LNX1: variants seen among roughly 807,000 people sequenced by gnomAD.
LNX1 encodes ligand of numb-protein X 1.
LNX1 carries 54 observed loss-of-function variants against 68.4 expected under a neutral mutation model. The observed-to-expected ratio is 0.79, with a 90% CI of 0.63 to 0.99. LNX1 has a LOEUF of 0.99. Ranked by LOEUF, LNX1 falls within the 50% of genes least tolerant of loss-of-function variation. The probability of loss-of-function intolerance (pLI) is 0.00; values close to 1 mark genes in which losing one functional copy is unlikely to be tolerated. For synonymous variants in LNX1, 336 were observed against 350.0 expected (o/e 0.96, Z 0.45); for missense variants, 906 against 926.4 (o/e 0.98, Z 0.29).
intron 1 of LNX1, among the ~76,000 whole-genome samples, chr4:53,639,902 G>A (rs1399043834): frequency 1.3e-4 from 20 of 152,138 alleles, no homozygotes; most frequent in Admixed American, 4.6e-4. Flanking sequence ...GCATGTTGGC[G>A]CATGCCTATA....
chr4:53,522,166 AC>A (rs1199671271), intron 2 of LNX1, among the ~76,000 whole-genome samples: 1 of 152,062 alleles, frequency 6.6e-6, no homozygotes, highest in Admixed American at 6.6e-5. Flanking sequence ...AGACACATTG[AC>A]AAACTGTCCC....
At chr4:53,516,907 G>A (rs4864779) in intron 2 of LNX1, among the ~76,000 whole-genome samples, 13,294 of 151,786 alleles carry the variant, frequency 0.088, 575 homozygotes, top group Middle Eastern at 0.11. Context: ...CAGAGGGCTC[G>A]CAGTCAGCTC....
chr4:53,583,002 C>A lies in LNX1; in HGVS notation c.-87+8386G>T, dbSNP rs147435252. On this transcript the variant is annotated intron_variant, in intron 1 of 10. Transcript: ENST00000263925. ...TACTGCCCTGGCCCTAGCTGTAACT[C>A]CTAAATCAGGTTACTGGGGGGAAAA... Among the ~76,000 whole-genome samples the A allele has an allele frequency of 7.7e-3, 1,177 of 152,308 alleles. 17 individuals are homozygous for A. Among genetic ancestry groups the A allele is most frequent in the Admixed American group, 0.043 (665 of 15,302 alleles).
intron 2 of LNX1, among the ~76,000 whole-genome samples, chr4:53,537,314 G>T (rs1728444459): frequency 6.6e-6 from 1 of 152,190 alleles, no homozygotes; most frequent in Admixed American, 6.5e-5. Flanking sequence ...GAAGTCCTAT[G>T]TGTGCAATAG....
intron 9 of LNX1, among the ~76,000 whole-genome samples, chr4:53,469,731 G>C (rs963143295): frequency 1.3e-5 from 2 of 152,180 alleles, no homozygotes; most frequent in African/African-American, 4.8e-5. Flanking sequence ...AAATAAACTA[G>C]AAAATCTAGA....
intron 2 of LNX1, among the ~76,000 whole-genome samples, chr4:53,516,547 C>G (rs1246425607): frequency 6.6e-6 from 1 of 152,054 alleles, no homozygotes; most frequent in East Asian, 1.9e-4. Flanking sequence ...TGAGCTGAGT[C>G]TAGAAAAATG....
intron 1 of LNX1, among the ~76,000 whole-genome samples, chr4:53,631,051 A>G (rs372157659): frequency 7.9e-5 from 12 of 152,334 alleles, no homozygotes; most frequent in Admixed American, 4.6e-4. Flanking sequence ...TCCTGGGCCA[A>G]AAGTACAGTT....
intron 1 of LNX1, among the ~76,000 whole-genome samples, chr4:53,581,438 C>T (rs1314594893): frequency 6.6e-6 from 1 of 152,134 alleles, no homozygotes. Context: ...CCTCTTTGCT[C>T]ACTGTATTAG....
intron 9 of LNX1, among the ~76,000 whole-genome samples, chr4:53,463,411 T>C (rs544074097): frequency 2.0e-5 from 3 of 152,246 alleles, no homozygotes; most frequent in African/African-American, 7.2e-5. Context: ...TTTAACTTTA[T>C]TGCCGCAGCG....
At chr4:53,540,184 C>T (rs1358624020) in intron 2 of LNX1, among the ~76,000 whole-genome samples, 1 of 151,990 alleles carries the variant, frequency 6.6e-6, no homozygotes, top group East Asian at 1.9e-4. Context: ...GAGTTTGAGA[C>T]CAGTCTAGAC....
intron 2 of LNX1, among the ~76,000 whole-genome samples, chr4:53,533,517 G>C (rs1281653675): frequency 1.3e-5 from 2 of 152,158 alleles, no homozygotes; most frequent in Admixed American, 1.3e-4. Context: ...TCCTTCCTCA[G>C]CCTCCTGAGT....
upstream of LNX1, among the ~76,000 whole-genome samples, chr4:53,619,657 A>G (rs1733796916): frequency 6.6e-6 from 1 of 152,202 alleles, no homozygotes; most frequent in Admixed American, 6.5e-5. Flanking sequence ...GCTACTATGA[A>G]CAATGCTTCT....
In LNX1 at chr4:53,461,023, CAAG is replaced by C. The variant is rs1011812999; in HGVS notation, c.2068_2070del (p.Leu690del). 1 of 1,572,248 alleles carries C rather than the reference CAAG, an allele frequency of 6.4e-7. No homozygotes were observed. The stretch of plus-strand genomic sequence containing the variant: ...CCTGATGTACTTCTACCATTGACAG[CAAG>C]AAGAATATCACCACATCTAAAAAAA... On this transcript the variant is annotated inframe_deletion, in exon 11 of 11. Transcript: ENST00000263925.
At chr4:53,561,194 T>C (rs759133088) in intron 2 of LNX1, among the ~76,000 whole-genome samples, 1 of 152,194 alleles carries the variant, frequency 6.6e-6, no homozygotes, top group Admixed American at 6.5e-5. Flanking sequence ...GACTAATACA[T>C]GCTTACTTTT....
chr4:53,593,372 G>T (rs1732601825), upstream of LNX1, among the ~76,000 whole-genome samples: 2 of 152,218 alleles, frequency 1.3e-5, no homozygotes, highest in Non-Finnish European at 2.9e-5. Flanking sequence ...GCCTTGGGTG[G>T]GCAGGGGAAG....
chr4:53,563,750 G>C (rs762154699), intron 2 of LNX1, among the ~76,000 whole-genome samples: 3 of 152,052 alleles, frequency 2.0e-5, no homozygotes, highest in African/African-American at 4.8e-5. Flanking sequence ...GGTCAGGCTG[G>C]TCTTGAACTC....
At position 53,476,933 on chromosome 4, in the gene LNX1, C is replaced by T. The variant is rs370457052; in HGVS notation, c.1712G>A (p.Arg571Gln). 37 of 1,614,048 alleles carry T rather than the reference C, an allele frequency of 2.3e-5. No homozygotes were observed. The highest frequency in any genetic ancestry group is 2.1e-4 in the African/African-American group (16 of 74,902). Residue 571 changes from arginine to glutamine, a missense_variant, in exon 9 of 11, where the codon CGG becomes CAG. Physicochemically the swap from Arg to Gln is conservative, Grantham distance 43. Coordinates refer to ENST00000263925, the MANE Select transcript of LNX1 (RefSeq NM_001126328.3). ...VDGVELTEVS[R>Q]SEAVALLKRT... ...TTTCAATAATGCCACTGCCTCACTC[C>T]GGCTGACCTCTGTCAGTTCGACCCC... is the stretch of plus-strand genomic sequence containing the variant.
intron 6 of LNX1, among the ~76,000 whole-genome samples, chr4:53,483,333 G>A (rs111613842): frequency 2.0e-5 from 3 of 152,262 alleles, no homozygotes; most frequent in East Asian, 1.9e-4. Context: ...ACCCATTCTC[G>A]GGTATGTCTT....
chr4:53,542,808 C>T (rs545241675), intron 2 of LNX1, among the ~76,000 whole-genome samples: 2 of 152,270 alleles, frequency 1.3e-5, no homozygotes, highest in South Asian at 2.1e-4. Flanking sequence ...ATTCGGAACA[C>T]GTGACCCAGA....
Sources: gnomAD v4.1 joint callset for allele counts (sites outside exome capture counted in the v4.1 genomes callset) on GRCh38, gnomAD v4.1.1 for gene constraint, MANE v1.5 for transcripts, NCBI Gene and HGNC (gene_info 2026-07-23, HGNC 2026-07-21) for gene names.